The following LINGO2 variants were observed in gnomAD, a reference collection of about 807,000 sequenced individuals.
LINGO2 encodes leucine rich repeat and Ig domain containing 2.
In LINGO2, 14 loss-of-function variants were observed where a neutral mutation model predicts 30.6. The ratio of observed to expected loss-of-function variants is 0.46; its 90% CI spans 0.30 to 0.72. LINGO2 has a LOEUF of 0.72. Ranked by LOEUF, LINGO2 falls within the 30% of genes least tolerant of loss-of-function variation. LINGO2 has a pLI of 0.07. For synonymous variants in LINGO2, 317 were observed against 288.5 expected (o/e 1.10, Z -1.00); for missense variants, 729 against 751.7 (o/e 0.97, Z 0.35).
chr9:28,397,672 C>T (rs991903110), intron 2 of LINGO2, among the ~76,000 whole-genome samples: 4 of 151,486 alleles, frequency 2.6e-5, no homozygotes, highest in African/African-American at 7.3e-5. Context: ...CTCAGCCTCC[C>T]GAGTAGCTGG....
chr9:28,726,308 G>A, the LINGO2 span, among the ~76,000 whole-genome samples: 2 of 152,076 alleles, frequency 1.3e-5, no homozygotes, highest in Non-Finnish European at 2.9e-5. Flanking sequence ...TAATCAAGAG[G>A]AAGATCACCT....
intron 2 of LINGO2, among the ~76,000 whole-genome samples, chr9:28,392,329 T>C (rs1018484443): frequency 3.3e-5 from 5 of 152,152 alleles, no homozygotes. Flanking sequence ...AGAAAAAGTA[T>C]AAAAGCAACA....
the LINGO2 span, among the ~76,000 whole-genome samples, chr9:28,830,826 C>G: frequency 6.8e-6 from 1 of 147,804 alleles, no homozygotes; most frequent in Admixed American, 6.6e-5. Context: ...CGTGCACATG[C>G]ACACACACGT....
intron 1 of LINGO2, among the ~76,000 whole-genome samples, chr9:28,622,602 G>T (rs1826455650): frequency 6.6e-6 from 1 of 151,926 alleles, no homozygotes; most frequent in Non-Finnish European, 1.5e-5. Flanking sequence ...ATCTGTTGAT[G>T]GACACTTAGG....
At chr9:29,059,095 T>A in the LINGO2 span, among the ~76,000 whole-genome samples, 2 of 151,746 alleles carry the variant, frequency 1.3e-5, no homozygotes, top group Admixed American at 1.3e-4. Context: ...ATATGAGAGA[T>A]TTATATGCTA....
At chr9:28,349,855 A>C (rs1318920087) in intron 3 of LINGO2, among the ~76,000 whole-genome samples, 1 of 152,132 alleles carries the variant, frequency 6.6e-6, no homozygotes, top group Non-Finnish European at 1.5e-5. Context: ...CAACGTTCTT[A>C]AAGAAAAGGA....
At chr9:29,082,917 A>G in the LINGO2 span, among the ~76,000 whole-genome samples, 7 of 152,154 alleles carry the variant, frequency 4.6e-5, no homozygotes, top group Non-Finnish European at 1.0e-4. Context: ...GGCGATCATT[A>G]AAAAGTCAGG....
intron 4 of LINGO2, among the ~76,000 whole-genome samples, chr9:28,143,077 T>C (rs1198590716): frequency 6.6e-6 from 1 of 152,206 alleles, no homozygotes; most frequent in Non-Finnish European, 1.5e-5. Flanking sequence ...AAGCTAACTA[T>C]TTGTCCACAT....
intron 2 of LINGO2, among the ~76,000 whole-genome samples, chr9:28,375,034 T>C (rs1196558418): frequency 1.3e-5 from 2 of 151,380 alleles, no homozygotes; most frequent in African/African-American, 4.9e-5. Context: ...GACTTTGTTA[T>C]GTTTCTAACA....
chr9:28,593,583 T>C (rs1825029606), intron 1 of LINGO2, among the ~76,000 whole-genome samples: 1 of 152,092 alleles, frequency 6.6e-6, no homozygotes, highest in Non-Finnish European at 1.5e-5. Context: ...CTATTGCTAT[T>C]AGGTTTCATA....
the LINGO2 span, among the ~76,000 whole-genome samples, chr9:28,708,097 C>T: frequency 6.6e-6 from 1 of 151,966 alleles, no homozygotes; most frequent in East Asian, 1.9e-4. Flanking sequence ...CTAAATGGAA[C>T]TTTGAATGAA....
At position 27,981,489 on chromosome 9, in the gene LINGO2, T is replaced by A. The variant is rs115872607; in HGVS notation, c.-35-30783A>T. On this transcript the variant is annotated intron_variant, in intron 5 of 5. Coordinates refer to ENST00000379992, the Ensembl canonical transcript of LINGO2. ...AATGAGGGTTATTTTGAAGTATGGTTTTGTTTGAATGGAGATGATATGAAA... is the reference window on the plus strand; with the variant it reads ...AATGAGGGTTATTTTGAAGTATGGTATTGTTTGAATGGAGATGATATGAAA... Among the ~76,000 whole-genome samples, 872 of 142,312 alleles carry A rather than the reference T, an allele frequency of 6.1e-3. 5 individuals carry two copies. Among genetic ancestry groups the A allele is most frequent in the African/African-American group, 0.021 (809 of 38,678 alleles). The allele number at this position is 142,312 out of a possible 152,430, so 93.4% of individuals were successfully genotyped here.
At chr9:28,466,274 T>A (rs1213716572) in intron 2 of LINGO2, among the ~76,000 whole-genome samples, 1 of 152,184 alleles carries the variant, frequency 6.6e-6, no homozygotes, top group Middle Eastern at 3.2e-3. Context: ...AGTGAAGTAC[T>A]ATTCAGCCAT....
intron 4 of LINGO2, among the ~76,000 whole-genome samples, chr9:28,019,595 T>C (rs1297673159): frequency 6.6e-6 from 1 of 152,190 alleles, no homozygotes; most frequent in Non-Finnish European, 1.5e-5. Flanking sequence ...AGTGGTCAGA[T>C]GCATCAGAAT....
At chr9:29,184,236 G>C in the LINGO2 span, among the ~76,000 whole-genome samples, 5 of 151,954 alleles carry the variant, frequency 3.3e-5, no homozygotes, top group South Asian at 1.0e-3. Flanking sequence ...TAAACTGAAA[G>C]TAGCCAGCTG....
the LINGO2 span, among the ~76,000 whole-genome samples, chr9:29,054,508 C>T: frequency 1.3e-5 from 2 of 151,962 alleles, no homozygotes; most frequent in Admixed American, 6.6e-5. Context: ...TCATTTAGTA[C>T]CTGAAGCAAA....
chr9:28,441,249 G>A (rs998462528), intron 2 of LINGO2, among the ~76,000 whole-genome samples: 1 of 74,352 alleles, frequency 1.3e-5, no homozygotes, highest in African/African-American at 5.2e-5. Flanking sequence ...ATTCATTGGA[G>A]GCTTTTTTTT....
intron 1 of LINGO2, among the ~76,000 whole-genome samples, chr9:28,608,059 T>C (rs866624778): frequency 2.0e-5 from 3 of 151,968 alleles, no homozygotes; most frequent in South Asian, 4.2e-4. Flanking sequence ...CTCATCAAAT[T>C]AGAAATATTG....
At chr9:28,452,715 T>C (rs1234565094) in intron 2 of LINGO2, among the ~76,000 whole-genome samples, 3 of 151,814 alleles carry the variant, frequency 2.0e-5, no homozygotes, top group Non-Finnish European at 4.4e-5. Flanking sequence ...TAGAAATGCC[T>C]GGGCTGGGTC....
Sources: gnomAD v4.1 joint callset for allele counts (sites outside exome capture counted in the v4.1 genomes callset) on GRCh38, gnomAD v4.1.1 for gene constraint, MANE v1.5 for transcripts, NCBI Gene and HGNC (gene_info 2026-07-23, HGNC 2026-07-21) for gene names.